CLECL1: variants seen among roughly 807,000 people sequenced by gnomAD.
The protein encoded by CLECL1 is C-type lectin-like domain family 1.
downstream of CLECL1, among the ~76,000 whole-genome samples, chr12:9,713,662 A>G (rs1189380798): frequency 2.6e-5 from 4 of 152,064 alleles, no homozygotes; most frequent in South Asian, 8.3e-4. Context: ...TTTGCTACTT[A>G]TGTCTTTTTG....
At chr12:9,712,571 C>T (rs1029275542), downstream of CLECL1, among the ~76,000 whole-genome samples, 1 of 152,032 alleles carries the variant, frequency 6.6e-6, no homozygotes, top group Admixed American at 6.6e-5. Flanking sequence ...CTAAATAAAA[C>T]TTCTATTGTG....
the CLECL1 span, among the ~76,000 whole-genome samples, chr12:9,709,633 G>C: frequency 6.6e-6 from 1 of 152,172 alleles, no homozygotes; most frequent in Non-Finnish European, 1.5e-5. Flanking sequence ...AGAGATTTAG[G>C]AATGAGCTTT....
chr12:9,733,348 A>C, upstream of CLECL1: 1 of 933,902 alleles, frequency 1.1e-6, no homozygotes, highest in Non-Finnish European at 1.6e-6. Context: ...AAGATATCTC[A>C]CCATTTTCTC....
chr12:9,732,146 A>G (rs1424182904), intron 1 of CLECL1, among the ~76,000 whole-genome samples: 1 of 152,246 alleles, frequency 6.6e-6, no homozygotes, highest in Non-Finnish European at 1.5e-5. Context: ...TTGAAAATAT[A>G]AAGAAGAAAT....
chr12:9,730,672 T>C (rs918017257), intron 1 of CLECL1, among the ~76,000 whole-genome samples: 6 of 151,942 alleles, frequency 3.9e-5, no homozygotes, highest in African/African-American at 1.4e-4. Context: ...TCACTACACG[T>C]TTCTTTTTCT....
chr12:9,734,219 T>C (rs1866489029), upstream of CLECL1, among the ~76,000 whole-genome samples: 1 of 152,174 alleles, frequency 6.6e-6, no homozygotes, highest in Non-Finnish European at 1.5e-5. Context: ...TTAGGTTAAT[T>C]AAATAACTAG....
At chr12:9,720,375 C>T (rs1440285025), downstream of CLECL1, among the ~76,000 whole-genome samples, 14 of 146,254 alleles carry the variant, frequency 9.6e-5, no homozygotes, top group East Asian at 9.9e-4. Flanking sequence ...GAGTTTCGCT[C>T]TTGTTGCCCA....
downstream of CLECL1, among the ~76,000 whole-genome samples, chr12:9,711,457 T>C (rs376343119): frequency 6.6e-6 from 1 of 152,030 alleles, no homozygotes; most frequent in East Asian, 1.9e-4. Flanking sequence ...CCACTTCATA[T>C]TATTAAGCTT....
chr12:9,712,025 T>C (rs982201556), downstream of CLECL1, among the ~76,000 whole-genome samples: 1 of 152,176 alleles, frequency 6.6e-6, no homozygotes, highest in Admixed American at 6.5e-5. Flanking sequence ...CCAATACATC[T>C]AGATAAATTT....
chr12:9,710,961 C>A (rs373192553), downstream of CLECL1, among the ~76,000 whole-genome samples: 3 of 152,298 alleles, frequency 2.0e-5, no homozygotes, highest in East Asian at 1.9e-4. Flanking sequence ...AAGGCAAGAA[C>A]CTCAGGATAC....
exon 3 of CLECL1, chr12:9,716,578 C>G: frequency 4.4e-6 from 1 of 229,856 alleles, no homozygotes; most frequent in Middle Eastern, 1.3e-3. Flanking sequence ...CAGCCATCTC[C>G]TGGCGGCTGG....
At chr12:9,721,603 G>C (rs1223953713), downstream of CLECL1, among the ~76,000 whole-genome samples, 1 of 152,194 alleles carries the variant, frequency 6.6e-6, no homozygotes, top group Non-Finnish European at 1.5e-5. Context: ...CCCTTTGACT[G>C]TGAGCAGGAG....
downstream of CLECL1, among the ~76,000 whole-genome samples, chr12:9,713,092 A>G (rs1230291199): frequency 2.6e-5 from 4 of 152,174 alleles, no homozygotes; most frequent in Non-Finnish European, 4.4e-5. Context: ...AAGATTTCAC[A>G]TGAAAGGGTC....
chr12:9,731,148 G>A (rs1866442154), intron 1 of CLECL1, among the ~76,000 whole-genome samples: 4 of 152,172 alleles, frequency 2.6e-5, no homozygotes, highest in Non-Finnish European at 5.9e-5. Flanking sequence ...GATATTCTCA[G>A]TTCAAACACA....
At chr12:9,718,988 GTGTGTCTTTTCATATACCTC>G (rs1335027792), downstream of CLECL1, among the ~76,000 whole-genome samples, 2 of 152,086 alleles carry the variant, frequency 1.3e-5, no homozygotes, top group Non-Finnish European at 2.9e-5. Flanking sequence ...GTTTTTTTGT[GTGTGTCTTTTCATATACCTC>G]TTACATGTTT....
downstream of CLECL1, among the ~76,000 whole-genome samples, chr12:9,719,819 C>T (rs1866286997): frequency 6.6e-6 from 1 of 152,180 alleles, no homozygotes; most frequent in African/African-American, 2.4e-5. Context: ...ACTTTAAATT[C>T]CTGTAATGAC....
intron 3 of CLECL1, among the ~76,000 whole-genome samples, chr12:9,727,139 C>T (rs1866389683): frequency 6.6e-6 from 1 of 151,604 alleles, no homozygotes; most frequent in African/African-American, 2.4e-5. Flanking sequence ...TATGCAAATA[C>T]ATTCATACGA....
At chr12:9,718,069 A>G (rs1176684288), downstream of CLECL1, among the ~76,000 whole-genome samples, 1 of 152,044 alleles carries the variant, frequency 6.6e-6, no homozygotes, top group East Asian at 1.9e-4. Context: ...TGGCCTATAC[A>G]TTATTTAAAA....
At chr12:9,729,739 A>G (rs1334488163) in intron 1 of CLECL1, among the ~76,000 whole-genome samples, 1 of 152,170 alleles carries the variant, frequency 6.6e-6, no homozygotes, top group Non-Finnish European at 1.5e-5. Context: ...GGTGAGAGGT[A>G]GGAGAGGGCC....
Sources: gnomAD v4.1 joint callset for allele counts (sites outside exome capture counted in the v4.1 genomes callset) on GRCh38, gnomAD v4.1.1 for gene constraint, MANE v1.5 for transcripts, NCBI Gene and HGNC (gene_info 2026-07-23, HGNC 2026-07-21) for gene names.